ZNF490: variants seen among roughly 807,000 people sequenced by gnomAD.
ZNF490 encodes zinc finger protein 490.
ZNF490 carries 11 observed loss-of-function variants against 17.7 expected under a neutral mutation model. The ratio of observed to expected loss-of-function variants is 0.62; its 90% CI spans 0.39 to 1.03. The LOEUF is 1.03. Among genes scored for constraint, ZNF490 ranks in the 50% least tolerant of loss-of-function variants. The pLI is 0.00. For missense variants in ZNF490, 542 were observed against 643.4 expected, an observed-to-expected ratio of 0.84 and a Z score of 1.71; for synonymous variants, 222 against 216.1, an observed-to-expected ratio of 1.03 and a Z score of -0.24.
intron 4 of ZNF490, among the ~76,000 whole-genome samples, chr19:12,582,588 G>A (rs973010349): frequency 6.6e-6 from 1 of 151,766 alleles, no homozygotes; most frequent in African/African-American, 2.4e-5. Context: ...TAGAGACAGG[G>A]TTTCATCATG....
chr19:12,589,468 T>C (rs1249957408), intron 2 of ZNF490, among the ~76,000 whole-genome samples: 1 of 151,842 alleles, frequency 6.6e-6, no homozygotes, highest in African/African-American at 2.4e-5. Context: ...AAGACAAAGA[T>C]TGTTAATATG....
At chr19:12,602,642 G>A (rs1045560218) in intron 2 of ZNF490, among the ~76,000 whole-genome samples, 6 of 144,756 alleles carry the variant, frequency 4.1e-5, no homozygotes, top group African/African-American at 7.7e-5. Context: ...TTTTTTTGTC[G>A]AGACAAGGTT....
chr19:12,608,239 G>C (rs1208055026), intron 2 of ZNF490, among the ~76,000 whole-genome samples: 1 of 152,044 alleles, frequency 6.6e-6, no homozygotes. Flanking sequence ...TGCAGTGATC[G>C]TTTTGTCCAA....
At chr19:12,590,452 A>G (rs1440458885) in intron 2 of ZNF490, among the ~76,000 whole-genome samples, 1 of 149,394 alleles carries the variant, frequency 6.7e-6, no homozygotes, top group Non-Finnish European at 1.5e-5. Context: ...CTTGACCTCA[A>G]TGATCCCCCC....
Position 12,580,080 on chromosome 19 carries a change from C to G in ZNF490, c.*405G>C. On this transcript the variant is annotated 3_prime_UTR_variant, in exon 5 of 5. Transcript: ENST00000311437. ...CGCGATCGCACCACTGCACTCCAGC[C>G]TGGGCAACAAGAGCAAAATTACATC... The G allele has an allele frequency of 1.0e-6, 1 of 953,790 alleles. No homozygotes were observed. The highest frequency in any genetic ancestry group is 1.8e-5 in the African/African-American group (1 of 56,750). The allele number at this position is 953,790 out of a possible 1,614,324, so 59.1% of individuals were successfully genotyped here.
At chr19:12,601,340 A>G (rs1282164860) in intron 2 of ZNF490, among the ~76,000 whole-genome samples, 5 of 151,466 alleles carry the variant, frequency 3.3e-5, no homozygotes, top group African/African-American at 7.3e-5. Flanking sequence ...ATGAGCCGAT[A>G]TTGCGCCATT....
Position 12,578,881 on chromosome 19 carries a change from G to A in ZNF490, c.*1604C>T. On this transcript the variant is annotated 3_prime_UTR_variant, in exon 5 of 5. Coordinates refer to ENST00000311437, the MANE Select transcript of ZNF490 (RefSeq NM_020714.3). The stretch of plus-strand genomic sequence containing the variant: ...CCTACGAAGAATCTCGACAATGGTT[G>A]CAGATGTCATTGAAGATGTTCCCAT... 1 of 985,398 alleles carries A rather than the reference G, an allele frequency of 1.0e-6. No individual in the cohort carries two copies. The highest frequency in any genetic ancestry group is 1.2e-6 in the Non-Finnish European group (1 of 829,910). The allele number at this position is 985,398 out of a possible 1,614,324, so 61.0% of individuals were successfully genotyped here. A position where few individuals can be genotyped will look rare whatever the true frequency, so the allele number is the denominator to read the frequency against.
At chr19:12,605,384 T>A (rs1201736407) in intron 2 of ZNF490, among the ~76,000 whole-genome samples, 2 of 150,446 alleles carry the variant, frequency 1.3e-5, no homozygotes, top group Non-Finnish European at 3.0e-5. Context: ...GCGGGGCTGA[T>A]GAGGGAGGAT....
At chr19:12,593,326 C>T (rs897605612) in intron 2 of ZNF490, among the ~76,000 whole-genome samples, 2 of 151,910 alleles carry the variant, frequency 1.3e-5, no homozygotes, top group Non-Finnish European at 2.9e-5. Flanking sequence ...CGGCTCACTG[C>T]AACCTCCGCC....
At chr19:12,583,580 T>G (rs1568278496) in intron 2 of ZNF490, 24 bp from the exon 3 acceptor site, 2 of 1,557,512 alleles carry the variant, frequency 1.3e-6, no homozygotes, top group Admixed American at 1.8e-5. Context: ...CATGTGTGTT[T>G]AGGAGGAGGA....
chr19:12,588,668 A>G (rs1029067736), intron 2 of ZNF490, among the ~76,000 whole-genome samples: 21 of 152,360 alleles, frequency 1.4e-4, no homozygotes, highest in African/African-American at 4.8e-4. Context: ...AGCAGAATAT[A>G]CATTCTTCTC....
At chr19:12,605,625 A>G (rs1401531401) in intron 2 of ZNF490, among the ~76,000 whole-genome samples, 1 of 152,204 alleles carries the variant, frequency 6.6e-6, no homozygotes, top group Non-Finnish European at 1.5e-5. Flanking sequence ...GGTCAGAAGC[A>G]TAGGTCACAT....
At chr19:12,590,935 T>A (rs2861409) in intron 2 of ZNF490, among the ~76,000 whole-genome samples, 22,874 of 130,232 alleles carry the variant, frequency 0.18, 1,840 homozygotes, top group Admixed American at 0.22. Context: ...AAAAAAAAAA[T>A]TTTTTTTAAA....
At chr19:12,593,216 A>G (rs1454964832) in intron 2 of ZNF490, among the ~76,000 whole-genome samples, 1 of 151,504 alleles carries the variant, frequency 6.6e-6, no homozygotes, top group Non-Finnish European at 1.5e-5. Context: ...GCTAGCCGTG[A>G]GGTAAAAAAA....
At chr19:12,583,045 A>ATTTT in intron 3 of ZNF490, 135 bp from the exon 4 acceptor site, 10 of 589,692 alleles carry the variant, frequency 1.7e-5, no homozygotes, top group South Asian at 2.6e-5. Context: ...CTCTTCCCAC[A>ATTTT]TTTTTTTTTT....
intron 2 of ZNF490, among the ~76,000 whole-genome samples, chr19:12,587,889 G>A (rs1325149433): frequency 1.1e-5 from 1 of 88,056 alleles, no homozygotes; most frequent in East Asian, 2.1e-4. Flanking sequence ...GTTTGTTTGA[G>A]TCGAAGTTTC....
At chr19:12,609,407 T>G (rs2023115021) in intron 1 of ZNF490, among the ~76,000 whole-genome samples, 1 of 151,918 alleles carries the variant, frequency 6.6e-6, no homozygotes, top group South Asian at 2.1e-4. Flanking sequence ...AAAAAAAAAA[T>G]TTAGAGACAG....
intron 2 of ZNF490, among the ~76,000 whole-genome samples, chr19:12,604,615 T>C (rs1479043380): frequency 1.3e-5 from 2 of 151,714 alleles, no homozygotes; most frequent in Admixed American, 1.3e-4. Flanking sequence ...TGAGCCAAGA[T>C]TGTGCCACTG....
chr19:12,607,030 C>G (rs1013692671), intron 2 of ZNF490, among the ~76,000 whole-genome samples: 2 of 151,996 alleles, frequency 1.3e-5, no homozygotes, highest in Non-Finnish European at 2.9e-5. Flanking sequence ...CTTGTCTAAA[C>G]TCATATGGCT....
Sources: gnomAD v4.1 joint callset for allele counts (sites outside exome capture counted in the v4.1 genomes callset) on GRCh38, gnomAD v4.1.1 for gene constraint, MANE v1.5 for transcripts, NCBI Gene and HGNC (gene_info 2026-07-23, HGNC 2026-07-21) for gene names.